Variants in PRKCQ observed in about 807,000 individuals in gnomAD.
PRKCQ encodes the protein protein kinase C theta type.
A neutral mutation model predicts 91.2 loss-of-function variants in PRKCQ; 41 were observed. That is an observed-to-expected ratio of 0.45 (90% CI 0.35 to 0.58). PRKCQ has a LOEUF of 0.58. PRKCQ is among the 20% of genes least tolerant of loss of function. PRKCQ has a pLI of 0.00. For missense variants in PRKCQ, 673 were observed against 896.5 expected (o/e 0.75, Z 3.18); for synonymous variants, 307 against 316.9 (o/e 0.97, Z 0.33).
chr10:6,409,594 C>T, the PRKCQ span, among the ~76,000 whole-genome samples: 1 of 152,234 alleles, frequency 6.6e-6, no homozygotes. Context: ...TGCGCCTGGC[C>T]TCTTTTTCAT....
chr10:6,491,828 A>T lies in PRKCQ; in HGVS notation c.661-16T>A, dbSNP rs746625476. On this transcript the variant is annotated splice_polypyrimidine_tract_variant and intron_variant, in intron 7 of 17. Transcript: ENST00000263125. ...CCTTGTGGAACTGAAAGAAAGGCAG[A>T]AGGTGAAATCTGTGTATTCCTGGGG... 3.1e-6 allele frequency: 5 copies of T among 1,614,168 alleles called. No individual in the cohort carries two copies. The South Asian group carries it at 4.4e-5, about 14-fold the overall frequency.
chr10:6,415,453 T>A, the PRKCQ span, among the ~76,000 whole-genome samples: 9 of 98,290 alleles, frequency 9.2e-5, no homozygotes, highest in African/African-American at 3.4e-4. Context: ...TATATATATA[T>A]ATACACTTAC....
intron 15 of PRKCQ, among the ~76,000 whole-genome samples, chr10:6,444,898 T>C (rs998798210): frequency 6.6e-6 from 1 of 151,018 alleles, no homozygotes; most frequent in African/African-American, 2.4e-5. Flanking sequence ...CTGAGGCGGG[T>C]GGATCACCCG....
intron 7 of PRKCQ, 53 bp from the exon 8 acceptor site, chr10:6,491,865 G>T: frequency 1.2e-6 from 2 of 1,610,678 alleles, no homozygotes; most frequent in Non-Finnish European, 1.7e-6. Flanking sequence ...CCCGACTTTG[G>T]ATGTTCTTGC....
intron 3 of PRKCQ, among the ~76,000 whole-genome samples, chr10:6,510,692 C>A (rs568024860): frequency 1.3e-4 from 20 of 152,224 alleles, no homozygotes; most frequent in Non-Finnish European, 2.5e-4. Flanking sequence ...AACTCATCCC[C>A]CACTTAAGGG....
chr10:6,470,456 C>T (rs568667235), intron 12 of PRKCQ, among the ~76,000 whole-genome samples: 9 of 152,286 alleles, frequency 5.9e-5, no homozygotes, highest in Admixed American at 2.6e-4. Context: ...TCAAATACAA[C>T]GTAATGTTGG....
At chr10:6,518,875 C>T (rs1838888576) in intron 1 of PRKCQ, among the ~76,000 whole-genome samples, 1 of 152,026 alleles carries the variant, frequency 6.6e-6, no homozygotes, top group Admixed American at 6.6e-5. Context: ...TATGTTTTTG[C>T]CCATGCAATT....
At chr10:6,431,090 G>C in intron 16 of PRKCQ, 152 bp from the exon 17 acceptor site, 2 of 1,028,530 alleles carry the variant, frequency 1.9e-6, no homozygotes, top group Non-Finnish European at 2.7e-6. Flanking sequence ...AACCTGTCCT[G>C]GCACTCTCCC....
At chr10:6,411,239 C>T in the PRKCQ span, among the ~76,000 whole-genome samples, 1 of 152,184 alleles carries the variant, frequency 6.6e-6, no homozygotes, top group African/African-American at 2.4e-5. Flanking sequence ...ATCATAGCCC[C>T]TCCCTTTTAT....
intron 1 of PRKCQ, among the ~76,000 whole-genome samples, chr10:6,542,694 G>T (rs998911137): frequency 3.3e-5 from 5 of 151,984 alleles, no homozygotes; most frequent in Admixed American, 3.3e-4. Flanking sequence ...AGCACCCAGG[G>T]GTATGTCCTG....
At chr10:6,577,008 T>A (rs1207786632) in intron 1 of PRKCQ, among the ~76,000 whole-genome samples, 1 of 152,126 alleles carries the variant, frequency 6.6e-6, no homozygotes, top group Non-Finnish European at 1.5e-5. Flanking sequence ...TTCTAAATAA[T>A]AAAGACTCAA....
At chr10:6,466,517 C>A (rs1835665043) in intron 12 of PRKCQ, among the ~76,000 whole-genome samples, 1 of 152,214 alleles carries the variant, frequency 6.6e-6, no homozygotes, top group Non-Finnish European at 1.5e-5. Context: ...CCCAAGAGAA[C>A]TGCAGGCTCC....
chr10:6,535,950 C>T (rs1350776087), intron 1 of PRKCQ, among the ~76,000 whole-genome samples: 1 of 152,146 alleles, frequency 6.6e-6, no homozygotes, highest in African/African-American at 2.4e-5. Context: ...CACCCTAGGG[C>T]AGCCATGGCA....
At chr10:6,489,071 G>A (rs996269529) in intron 8 of PRKCQ, among the ~76,000 whole-genome samples, 3 of 152,022 alleles carry the variant, frequency 2.0e-5, no homozygotes, top group Non-Finnish European at 4.4e-5. Flanking sequence ...GTCTGTTACC[G>A]TGCCCGGCCT....
intron 16 of PRKCQ, among the ~76,000 whole-genome samples, chr10:6,432,358 T>C (rs1005032129): frequency 2.0e-5 from 3 of 152,216 alleles, no homozygotes; most frequent in Middle Eastern, 3.4e-3. Context: ...CCAAACAACA[T>C]GCTATTGTAA....
intron 15 of PRKCQ, among the ~76,000 whole-genome samples, chr10:6,453,396 C>T (rs1344914885): frequency 2.0e-5 from 3 of 152,108 alleles, no homozygotes; most frequent in African/African-American, 4.8e-5. Flanking sequence ...GTTAGAATGG[C>T]AATCATTAAA....
At chr10:6,394,300 A>G in the PRKCQ span, among the ~76,000 whole-genome samples, 77 of 152,308 alleles carry the variant, frequency 5.1e-4, no homozygotes, top group African/African-American at 1.8e-3. Context: ...CAGAGACAGG[A>G]CACCTGGCGC....
intron 1 of PRKCQ, among the ~76,000 whole-genome samples, chr10:6,555,816 CCTAA>C (rs1019579839): frequency 9.8e-4 from 149 of 152,170 alleles, no homozygotes; most frequent in African/African-American, 3.5e-3. Context: ...TCAAGTCTAG[CCTAA>C]CTAACATGGC....
chr10:6,426,943 C>A (rs887704639), downstream of PRKCQ, among the ~76,000 whole-genome samples: 1 of 152,284 alleles, frequency 6.6e-6, no homozygotes, highest in African/African-American at 2.4e-5. Flanking sequence ...ACCATATTGG[C>A]CAGGCTGGTC....
Sources: gnomAD v4.1 joint callset for allele counts (sites outside exome capture counted in the v4.1 genomes callset) on GRCh38, gnomAD v4.1.1 for gene constraint, MANE v1.5 for transcripts, NCBI Gene and HGNC (gene_info 2026-07-23, HGNC 2026-07-21) for gene names.